Variants in DDR2 observed in about 807,000 individuals in gnomAD.
DDR2 encodes discoidin domain-containing receptor 2.
A neutral mutation model predicts 94.9 loss-of-function variants in DDR2; 27 were observed. The ratio of observed to expected loss-of-function variants is 0.28; its 90% CI spans 0.21 to 0.39. The LOEUF is 0.39. Ranked by LOEUF, DDR2 falls within the 10% of genes least tolerant of loss-of-function variation. DDR2 has a pLI of 1.00. For synonymous variants in DDR2, 382 were observed against 377.2 expected (o/e 1.01, Z -0.15); for missense variants, 783 against 1,076.0 (o/e 0.73, Z 3.81).
intron 3 of DDR2, among the ~76,000 whole-genome samples, chr1:162,729,298 A>ATT (rs1324912200): frequency 2.6e-4 from 9 of 34,460 alleles, no homozygotes; most frequent in South Asian, 1.1e-3. Context: ...ATATATATAT[A>ATT]TATTTTTTTT....
At chr1:162,705,529 G>GAATCT (rs1367525248) in intron 2 of DDR2, among the ~76,000 whole-genome samples, 1 of 152,170 alleles carries the variant, frequency 6.6e-6, no homozygotes, top group East Asian at 1.9e-4. Flanking sequence ...CTGGATCAGG[G>GAATCT]GGCAACTCTA....
At position 162,770,474 on chromosome 1, in the gene DDR2, G is replaced by A. The variant is rs756149068; in HGVS notation, c.1466G>A (p.Arg489Gln). The A allele has an allele frequency of 1.5e-5, 24 of 1,613,964 alleles. No homozygotes were observed. The highest frequency in any genetic ancestry group is 8.8e-5 in the South Asian group (8 of 91,072). Residue 489 changes from arginine to glutamine, a missense_variant, in exon 12 of 18, where the codon CGA (arginine) becomes CAA (glutamine). Arg to Gln is a conservative substitution (Grantham distance 43). Transcript: ENST00000367921. ...PDYQEPSRLI[R>Q]KLPEFAPGEE... ...TACCAGGAGCCATCCAGGCTGATAC[G>A]AAAACTCCCAGAATTTGCTCCAGGG... is the stretch of plus-strand genomic sequence containing the variant.
At chr1:162,716,303 A>G (rs1661164732) in intron 2 of DDR2, among the ~76,000 whole-genome samples, 1 of 152,140 alleles carries the variant, frequency 6.6e-6, no homozygotes, top group Admixed American at 6.5e-5. Flanking sequence ...GACTGCTAGG[A>G]GAGGGCGGTG....
rs192147991 is a variant in DDR2, at chr1:162,660,322, G to C, written c.-28+4948G>C. Among the ~76,000 whole-genome samples the C allele has an allele frequency of 9.9e-5, 15 of 152,204 alleles. No homozygotes were observed. In the East Asian group the frequency reaches 2.9e-3, roughly 29 times the overall value. The stretch of plus-strand genomic sequence containing the variant: ...TATTTATCAGGCATTATTTTGTTTG[G>C]GGGTAGAGGAGGTAGGCGGCGGTGG... On this transcript the variant is annotated intron_variant, in intron 2 of 17. Transcript: ENST00000367921.
At chr1:162,685,996 G>T (rs1401768920) in intron 2 of DDR2, among the ~76,000 whole-genome samples, 1 of 152,138 alleles carries the variant, frequency 6.6e-6, no homozygotes, top group South Asian at 2.1e-4. Context: ...GAGGGACTGT[G>T]TTCTATTCAC....
chr1:162,771,115 A>G (rs1361639722), intron 12 of DDR2, among the ~76,000 whole-genome samples: 1 of 152,264 alleles, frequency 6.6e-6, no homozygotes, highest in Non-Finnish European at 1.5e-5. Flanking sequence ...TTGAAATAAA[A>G]CAATAAAACA....
chr1:162,714,729 G>C (rs541335744), intron 2 of DDR2, among the ~76,000 whole-genome samples: 1 of 152,012 alleles, frequency 6.6e-6, no homozygotes, highest in African/African-American at 2.4e-5. Context: ...TCATTTACTT[G>C]TTTTCTTATG....
At position 162,766,043 on chromosome 1, in the gene DDR2, C is replaced by T; in HGVS notation, c.1142C>T (p.Pro381Leu). The T allele has an allele frequency of 6.2e-7, 1 of 1,613,944 alleles. No individual in the cohort carries two copies. The highest frequency in any genetic ancestry group is 1.7e-4 in the Middle Eastern group (1 of 6,060). The stretch of plus-strand genomic sequence containing the variant: ...AACTCTGAAGCCCTGCCCACCTCTC[C>T]TATGGCACCCACAACCTATGGTATA... ...YNNSEALPTS[P>L]MAPTTYDPML... Residue 381 changes from proline to leucine, a missense_variant, in exon 10 of 18, where the codon CCT becomes CTT. Coordinates refer to ENST00000367921, the MANE Select transcript of DDR2 (RefSeq NM_006182.4).
At chr1:162,660,372 G>A (rs569451636) in intron 2 of DDR2, among the ~76,000 whole-genome samples, 2 of 75,596 alleles carry the variant, frequency 2.6e-5, no homozygotes, top group African/African-American at 7.6e-5. Context: ...CCGTACTTAT[G>A]TTCTGCTCCA....
chr1:162,760,054 GAA>G (rs1663641902), intron 8 of DDR2, 75 bp downstream of exon 8: 1 of 1,601,646 alleles, frequency 6.2e-7, no homozygotes, highest in African/African-American at 1.3e-5. Flanking sequence ...AGGCATGCTA[GAA>G]AAAAGTCTAG....
intron 2 of DDR2, among the ~76,000 whole-genome samples, chr1:162,676,073 A>G (rs1659107771): frequency 6.6e-6 from 1 of 152,104 alleles, no homozygotes; most frequent in Admixed American, 6.6e-5. Context: ...ACATGTGCAT[A>G]TATGAAGGTG....
At chr1:162,737,400 T>C (rs1304966144) in intron 3 of DDR2, among the ~76,000 whole-genome samples, 9 of 124,390 alleles carry the variant, frequency 7.2e-5, no homozygotes, top group Non-Finnish European at 1.4e-4. Context: ...TGAGTGAGAA[T>C]ATGCGGTGTT....
rs567573487 is a variant in DDR2 at position 162,646,273 on chromosome 1, A to C, written c.-191-8938A>C. 1.5e-3 allele frequency among the ~76,000 whole-genome samples: 232 copies of C among 152,314 alleles called. 4 individuals are homozygous for C. The highest frequency in any genetic ancestry group is 5.2e-3 in the African/African-American group (217 of 41,576). The stretch of plus-strand genomic sequence containing the variant: ...TGCAAGATATTTATCCTTTGAGACA[A>C]ACTGCTTTAAAATTAAATTTGGGCT... On this transcript the variant is annotated intron_variant, in intron 1 of 17. Coordinates refer to ENST00000367921, the MANE Select transcript of DDR2 (RefSeq NM_006182.4).
chr1:162,764,825 TA>T (rs766135759), intron 9 of DDR2, among the ~76,000 whole-genome samples: 527 of 132,114 alleles, frequency 4.0e-3, no homozygotes, highest in Non-Finnish European at 4.1e-3. Context: ...AGACCCTGTT[TA>T]AAAAAAAAAA....
rs146978180 is a variant in DDR2 at position 162,770,445 on chromosome 1, T to C, written c.1437T>C (p.Pro479=). 2.2e-5 allele frequency: 35 copies of C among 1,614,104 alleles called. No homozygotes were observed. In the African/African-American group the frequency reaches 4.4e-4, roughly 20 times the overall value. Residue 479 remains proline (P), a synonymous_variant, in exon 12 of 18, where the codon CCT becomes CCC. Transcript: ENST00000367921. Reference sequence around the variant, plus strand: ...ACGATCGCATCTTTCCCCTTCGCCCTGACTACCAGGAGCCATCCAGGCTGA... The same window carrying C: ...ACGATCGCATCTTTCCCCTTCGCCCCGACTACCAGGAGCCATCCAGGCTGA... ...STYDRIFPLR[P]DYQEPSRLIR...
intron 2 of DDR2, among the ~76,000 whole-genome samples, chr1:162,696,272 G>T (rs949359043): frequency 4.7e-5 from 7 of 150,296 alleles, no homozygotes; most frequent in Admixed American, 4.6e-4. Flanking sequence ...GTTCATAAAA[G>T]GATCGTCTCT....
At chr1:162,766,598 G>C (rs540939494) in intron 10 of DDR2, among the ~76,000 whole-genome samples, 2 of 152,244 alleles carry the variant, frequency 1.3e-5, no homozygotes, top group African/African-American at 4.8e-5. Context: ...CATGAGGTGT[G>C]ATTAAGGGAC....
At chr1:162,767,025 T>A (rs1348119116) in intron 10 of DDR2, among the ~76,000 whole-genome samples, 1 of 44,782 alleles carries the variant, frequency 2.2e-5, no homozygotes, top group Admixed American at 3.5e-4. Flanking sequence ...CAAGACTCTA[T>A]CTCAGGAAAA....
chr1:162,663,849 G>A (rs146216139), intron 2 of DDR2, among the ~76,000 whole-genome samples: 132 of 152,296 alleles, frequency 8.7e-4, no homozygotes, highest in South Asian at 1.0e-3. Context: ...CACACAGGCC[G>A]TGAAAATCAG....
Sources: gnomAD v4.1 joint callset for allele counts (sites outside exome capture counted in the v4.1 genomes callset) on GRCh38, gnomAD v4.1.1 for gene constraint, MANE v1.5 for transcripts, NCBI Gene and HGNC (gene_info 2026-07-23, HGNC 2026-07-21) for gene names.